USP42: variants seen among roughly 807,000 people sequenced by gnomAD.
USP42 encodes ubiquitin specific peptidase 42.
Under a neutral mutation model 113.0 loss-of-function variants are expected in USP42, and 23 were observed. The ratio of observed to expected loss-of-function variants is 0.20; its 90% CI spans 0.15 to 0.29. USP42 has a LOEUF of 0.29. USP42 is among the 10% of genes least tolerant of loss of function. The pLI, the probability that USP42 is intolerant of heterozygous loss-of-function variation, is 1.00. For missense variants in USP42, 2,174 were observed against 1,779.8 expected (o/e 1.22, Z -3.99); for synonymous variants, 933 against 699.0 (o/e 1.33, Z -5.28).
rs1583594681 is a variant in USP42 at position 6,118,653 on chromosome 7, A to C, written c.442+3130A>C. Among the ~76,000 whole-genome samples the C allele has an allele frequency of 2.6e-5, 4 of 151,996 alleles. No homozygotes were observed. The East Asian group carries it at 7.7e-4, about 29-fold the overall frequency. ...TGGGTCAGTGGTCCATTTTGAGTTAATTTTTGTTTGTGATGTGAAGATGGA... is the reference window on the plus strand; with the variant it reads ...TGGGTCAGTGGTCCATTTTGAGTTACTTTTTGTTTGTGATGTGAAGATGGA... On this transcript the variant is annotated intron_variant, in intron 3 of 17. Transcript: ENST00000306177.
the USP42 span, among the ~76,000 whole-genome samples, chr7:6,086,826 A>G: frequency 6.6e-6 from 1 of 150,378 alleles, no homozygotes; most frequent in South Asian, 2.1e-4. Context: ...TCCCAGTTCA[A>G]GCAATTCTCC....
Position 6,140,207 on chromosome 7 carries a change from C to G in USP42, c.724+12C>G, listed in dbSNP as rs1214021417. ...CCTAAGATCTAGAGGTAAGCTTTTG[C>G]TTATAAGTTGATAAAATGATACACA... is the stretch of plus-strand genomic sequence containing the variant. On this transcript the variant is annotated intron_variant, in intron 6 of 17. Coordinates refer to ENST00000306177, the MANE Select transcript of USP42 (RefSeq NM_032172.3). The G allele has an allele frequency of 1.2e-6, 2 of 1,608,346 alleles. No homozygotes were observed. Among genetic ancestry groups the G allele is most frequent in the Non-Finnish European group, 1.7e-6 (2 of 1,175,118 alleles).
intron 6 of USP42, 22 bp downstream of exon 6, chr7:6,140,217 G>C: frequency 1.3e-6 from 2 of 1,593,494 alleles, no homozygotes; most frequent in African/African-American, 1.3e-5. Flanking sequence ...CTTATAAGTT[G>C]ATAAAATGAT....
At chr7:6,121,174 A>T (rs546914722) in intron 3 of USP42, among the ~76,000 whole-genome samples, 10 of 152,164 alleles carry the variant, frequency 6.6e-5, no homozygotes, top group Non-Finnish European at 1.5e-4. Context: ...AGAGACCTCC[A>T]TTACATTGTT....
At position 6,150,608 on chromosome 7, in the gene USP42, A is replaced by G. The variant is rs928445686; in HGVS notation, c.2201+102A>G. 8 of 988,886 alleles carry G rather than the reference A, an allele frequency of 8.1e-6. No homozygotes were observed. The African/African-American group carries it at 1.1e-4, about 14-fold the overall frequency. The allele number at this position is 988,886 out of a possible 1,614,324, so 61.3% of individuals were successfully genotyped here. On this transcript the variant is annotated intron_variant, in intron 14 of 17. Coordinates refer to ENST00000306177, the MANE Select transcript of USP42 (RefSeq NM_032172.3). ...GAATGCTGTAGAAATTTTATAATGA[A>G]CATTTTGAATCCTAGAATGATTTGA...
chr7:6,103,279 G>C (rs1373164191), upstream of USP42, among the ~76,000 whole-genome samples: 1 of 151,012 alleles, frequency 6.6e-6, no homozygotes, highest in Non-Finnish European at 1.5e-5. Flanking sequence ...GGGGTGAACA[G>C]GGGTCTATCC....
chr7:6,157,309 A>G lies in USP42; in HGVS notation c.3943+254A>G. ...AGGGCAGCACTACCTGTGTCACCAA[A>G]GCCCTGGAACGTACAGCTCTAGGCA... is the stretch of plus-strand genomic sequence containing the variant. On this transcript the variant is annotated intron_variant, in intron 16 of 17. Coordinates refer to ENST00000306177, the MANE Select transcript of USP42 (RefSeq NM_032172.3). This position sits in a 1 kb window ranked among gnomAD's most constrained non-coding sequence, Gnocchi z 4.1. The G allele has an allele frequency of 8.5e-7, 1 of 1,172,622 alleles. No homozygotes were observed. Among genetic ancestry groups the G allele is most frequent in the Non-Finnish European group, 1.1e-6 (1 of 950,798 alleles). The allele number at this position is 1,172,622 out of a possible 1,614,324, so 72.6% of individuals were successfully genotyped here. A position where few individuals can be genotyped will look rare whatever the true frequency, so the allele number is the denominator to read the frequency against.
Position 6,139,667 on chromosome 7 carries a change from G to A in USP42, c.657-461G>A, listed in dbSNP as rs56148129. 0.12 allele frequency: 23,595 copies of A among 192,812 alleles called. 1,515 individuals carry two copies. Among genetic ancestry groups the A allele is most frequent in the African/African-American group, 0.15 (4,321 of 28,048 alleles). 11.9% of individuals were successfully genotyped at this position (192,812 alleles called of 1,614,324 possible). On this transcript the variant is annotated intron_variant, in intron 5 of 17. Transcript: ENST00000306177. This position sits in a 1 kb window ranked among gnomAD's most constrained non-coding sequence, Gnocchi z 4.5. ...GGGGACAGATAATGCATCCCAAGCC[G>A]CTTGGTGCTGTCTGAGACACCTGGT... is the stretch of plus-strand genomic sequence containing the variant.
chr7:6,123,692 TA>T (rs1780363363), intron 3 of USP42, among the ~76,000 whole-genome samples: 1 of 151,432 alleles, frequency 6.6e-6, no homozygotes, highest in East Asian at 1.9e-4. Context: ...AATAAAATAT[TA>T]AAAAATTAGC....
rs969643056 is a variant in USP42 at position 6,153,772 on chromosome 7, A to G, written c.2218A>G (p.Arg740Gly). Residue 740 changes from arginine (R) to glycine (G), a missense_variant, in exon 15 of 18, where the codon AGG becomes GGG. Coordinates refer to ENST00000306177, the MANE Select transcript of USP42 (RefSeq NM_032172.3). ...GGGCTGCAGTGCACCTGGAGCAGAG[A>G]GGGGCCCTCCCGAGGACCGCGACGC... is the stretch of plus-strand genomic sequence containing the variant. ...TDEMSAPGAERGPPEDRDAEP... is the reference protein window; with the variant it reads ...TDEMSAPGAEGGPPEDRDAEP... 3 of 1,472,518 alleles carry G rather than the reference A, an allele frequency of 2.0e-6. No homozygotes were observed. Among genetic ancestry groups the G allele is most frequent in the Middle Eastern group, 2.4e-4 (1 of 4,092 alleles). The allele number at this position is 1,472,518 out of a possible 1,614,324, so 91.2% of individuals were successfully genotyped here.
At chr7:6,088,053 AC>A in the USP42 span, among the ~76,000 whole-genome samples, 1 of 150,946 alleles carries the variant, frequency 6.6e-6, no homozygotes, top group Non-Finnish European at 1.5e-5. Flanking sequence ...TAATGCCAGC[AC>A]TTTGGGAGGC....
At chr7:6,126,934 A>G (rs977858112) in intron 3 of USP42, among the ~76,000 whole-genome samples, 20 of 152,210 alleles carry the variant, frequency 1.3e-4, no homozygotes, top group Non-Finnish European at 1.5e-5. Flanking sequence ...TTGATTTTAT[A>G]AGAAACTGCC....
intron 3 of USP42, among the ~76,000 whole-genome samples, chr7:6,117,166 C>G (rs1230467782): frequency 6.6e-6 from 1 of 152,074 alleles, no homozygotes; most frequent in African/African-American, 2.4e-5. Flanking sequence ...CTCAAAAGTT[C>G]CCCGATGCCC....
chr7:6,089,628 G>C, the USP42 span, among the ~76,000 whole-genome samples: 3 of 148,954 alleles, frequency 2.0e-5, no homozygotes, highest in African/African-American at 7.7e-5. Context: ...CGCCTCCCGG[G>C]TTCAAACAAT....
chr7:6,145,371 A>T, intron 9 of USP42, 145 bp from the exon 10 acceptor site: 1 of 917,116 alleles, frequency 1.1e-6, no homozygotes, highest in Non-Finnish European at 1.6e-6. Flanking sequence ...AGGTTTTTTA[A>T]ATGCATTAGG....
rs1178268251 is a variant in USP42, at chr7:6,154,006, C to G, written c.2452C>G (p.Leu818Val). 1.2e-6 allele frequency: 2 copies of G among 1,603,380 alleles called. No homozygotes were observed. Among genetic ancestry groups the G allele is most frequent in the African/African-American group, 2.7e-5 (2 of 74,916 alleles). Residue 818 changes from leucine (L) to valine (V), a missense_variant, in exon 15 of 18, where the codon CTG becomes GTG. By Grantham distance (32) the Leu-to-Val change is conservative (BLOSUM62 1). Coordinates refer to ENST00000306177, the MANE Select transcript of USP42 (RefSeq NM_032172.3). ...CGTGGGGGACACAGCACCCCCTGAC[C>G]TGTGTGATCCCGGGAGCTTAACAGG... ...DIVGDTAPPD[L>V]CDPGSLTGDA...
chr7:6,136,285 T>C (rs1233114036), intron 4 of USP42, among the ~76,000 whole-genome samples: 1 of 152,156 alleles, frequency 6.6e-6, no homozygotes, highest in African/African-American at 2.4e-5. Context: ...ATTACAGGCG[T>C]GAGCCACCAT....
intron 3 of USP42, among the ~76,000 whole-genome samples, chr7:6,125,629 A>G (rs539467733): frequency 3.3e-4 from 50 of 152,110 alleles, no homozygotes; most frequent in Non-Finnish European, 6.8e-4. Context: ...TCATTTTAAA[A>G]GTTTTGTTTT....
chr7:6,131,380 G>GAC (rs1780844350), intron 3 of USP42, among the ~76,000 whole-genome samples: 1 of 151,972 alleles, frequency 6.6e-6, no homozygotes, highest in South Asian at 2.1e-4. Context: ...GAGACGGGTG[G>GAC]GGAGATCACC....
Sources: allele counts gnomAD v4.1 joint callset (sites outside exome capture counted in the v4.1 genomes callset), GRCh38; gene constraint gnomAD v4.1.1; non-coding constraint Gnocchi (gnomAD v3.1); transcripts MANE v1.5; gene names NCBI Gene and HGNC (gene_info 2026-07-23, HGNC 2026-07-21).